Variants in UBE4B observed in about 807,000 individuals in gnomAD.
The protein encoded by UBE4B is ubiquitination factor E4B.
In UBE4B, 27 loss-of-function variants were observed where a neutral mutation model predicts 148.1. The observed-to-expected ratio is 0.18, with a 90% confidence interval of 0.13 to 0.25. The LOEUF (loss-of-function observed/expected upper bound fraction) is 0.25. UBE4B is among the 10% of genes least tolerant of loss of function. The probability of loss-of-function intolerance (pLI) is 1.00; values close to 1 mark genes in which losing one functional copy is unlikely to be tolerated. For missense variants in UBE4B, 1,170 were observed against 1,662.4 expected, an observed-to-expected ratio of 0.70 and a Z score of 5.15; for synonymous variants, 596 against 619.3, an observed-to-expected ratio of 0.96 and a Z score of 0.56.
chr1:10,092,104 G>A (rs1183007163), intron 2 of UBE4B, among the ~76,000 whole-genome samples: 1 of 152,020 alleles, frequency 6.6e-6, no homozygotes, highest in Non-Finnish European at 1.5e-5. Flanking sequence ...TATGTTCTTT[G>A]TTTCAGCTAC....
At chr1:10,087,670 G>T (rs540889055) in intron 2 of UBE4B, among the ~76,000 whole-genome samples, 2 of 152,238 alleles carry the variant, frequency 1.3e-5, no homozygotes, top group Admixed American at 6.5e-5. Context: ...CGTATCAGGG[G>T]TATATAATAT....
In UBE4B at chr1:10,167,441, AAATAATAATAATAATAAT is replaced by A. The variant is rs200457569; in HGVS notation, c.3199-679_3199-662del. 3.4e-5 allele frequency among the ~76,000 whole-genome samples: 5 copies of A among 147,184 alleles called. No homozygotes were observed. In the South Asian group the frequency reaches 8.5e-4, roughly 25 times the overall value. On this transcript the variant is annotated intron_variant, in intron 23 of 27. Coordinates refer to ENST00000343090, the MANE Select transcript of UBE4B (RefSeq NM_001105562.3). Reference sequence around the variant, plus strand: ...GCAACAAGCGAAACTCCGTCTCAAAAAATAATAATAATAATAATAATAATAATAATAATGACTAAGTAA... The same window carrying A: ...GCAACAAGCGAAACTCCGTCTCAAAAAATAATAATAATAATGACTAAGTAA...
At chr1:10,100,354 C>T (rs947247981) in intron 3 of UBE4B, among the ~76,000 whole-genome samples, 1 of 151,874 alleles carries the variant, frequency 6.6e-6, no homozygotes, top group Non-Finnish European at 1.5e-5. Flanking sequence ...TCTTGCTATG[C>T]TGCCCAGGCT....
At chr1:10,107,282 A>G in intron 7 of UBE4B, 2 of 1,289,512 alleles carry the variant, frequency 1.6e-6, no homozygotes, top group Non-Finnish European at 2.0e-6. Context: ...GTAGTGATGA[A>G]GAAGATGAAG....
chr1:10,075,894 A>T (rs1052541381), intron 2 of UBE4B, among the ~76,000 whole-genome samples: 1 of 152,056 alleles, frequency 6.6e-6, no homozygotes, highest in Non-Finnish European at 1.5e-5. Context: ...TCTACAAAAA[A>T]TTAGCGGGGC....
chr1:10,076,431 A>C (rs1480192975), intron 2 of UBE4B, among the ~76,000 whole-genome samples: 1 of 151,872 alleles, frequency 6.6e-6, no homozygotes, highest in African/African-American at 2.4e-5. Context: ...TTTAGTAGAG[A>C]TGGGGTTTCG....
chr1:10,072,540 AAAT>A, intron 2 of UBE4B: 1 of 704,542 alleles, frequency 1.4e-6, no homozygotes, highest in South Asian at 1.5e-5. Flanking sequence ...TTTTAAGATA[AAAT>A]AATCTGAAAA....
At chr1:10,109,943 C>G (rs1645191333) in intron 7 of UBE4B, among the ~76,000 whole-genome samples, 1 of 152,184 alleles carries the variant, frequency 6.6e-6, no homozygotes, top group South Asian at 2.1e-4. Context: ...AGGTGGTCCG[C>G]CCACCTCGGC....
Position 10,094,834 on chromosome 1 carries a change from A to G in UBE4B, c.212-627A>G, listed in dbSNP as rs573811234. Among the ~76,000 whole-genome samples, 5 of 152,206 alleles carry G rather than the reference A, an allele frequency of 3.3e-5. No homozygotes were observed. The South Asian group carries it at 1.0e-3, about 32-fold the overall frequency. On this transcript the variant is annotated intron_variant, in intron 2 of 27. Coordinates refer to ENST00000343090, the MANE Select transcript of UBE4B (RefSeq NM_001105562.3). ...GAGATGGAGTCTCGCTCTGTCACCT[A>G]GGCTGGAGTGCGGTGGTGTGATCTT...
chr1:10,153,511 A>C (rs905105027), intron 21 of UBE4B, among the ~76,000 whole-genome samples: 2 of 151,156 alleles, frequency 1.3e-5, no homozygotes, highest in African/African-American at 4.9e-5. Flanking sequence ...AAAAAAAAAA[A>C]AAAAAAAGGG....
At chr1:10,083,428 T>C (rs1396220266) in intron 2 of UBE4B, among the ~76,000 whole-genome samples, 1 of 152,232 alleles carries the variant, frequency 6.6e-6, no homozygotes, top group Admixed American at 6.5e-5. Flanking sequence ...TGATTGCTTA[T>C]TAGTACATCT....
chr1:10,156,239 C>CTTTTTTTTTTT (rs199801311), intron 21 of UBE4B, among the ~76,000 whole-genome samples: 2 of 123,762 alleles, frequency 1.6e-5, no homozygotes, highest in Admixed American at 8.2e-5. Flanking sequence ...ATTTTCTTTT[C>CTTTTTTTTTTT]TTTTTTTTTT....
chr1:10,144,991 G>A lies in UBE4B; in HGVS notation c.2415G>A (p.Leu805=). The change falls in exon 18 of 28, where the codon CTG becomes CTA. Residue 805 remains leucine (L), a synonymous_variant. Coordinates refer to ENST00000343090, the MANE Select transcript of UBE4B (RefSeq NM_001105562.3). ...NNESQWKDSP[L]ATRHREMLKR... Reference sequence around the variant, plus strand: ...AAAGCCAATGGAAAGATTCCCCACTGGCAACTAGACACCGCGAAATGCTGA... The same window carrying A: ...AAAGCCAATGGAAAGATTCCCCACTAGCAACTAGACACCGCGAAATGCTGA... 2.5e-6 allele frequency: 4 copies of A among 1,613,826 alleles called. No homozygotes were observed. Among genetic ancestry groups the A allele is most frequent in the Non-Finnish European group, 3.4e-6 (4 of 1,179,880 alleles).
At chr1:10,097,006 T>C (rs1644938739) in intron 3 of UBE4B, among the ~76,000 whole-genome samples, 1 of 149,324 alleles carries the variant, frequency 6.7e-6, no homozygotes, top group Non-Finnish European at 1.5e-5. Flanking sequence ...ACCACTGCCC[T>C]CCAGCCTGGG....
At chr1:10,115,376 C>A (rs908377534) in intron 7 of UBE4B, among the ~76,000 whole-genome samples, 3 of 151,906 alleles carry the variant, frequency 2.0e-5, no homozygotes, top group Non-Finnish European at 4.4e-5. Context: ...TTAAGAGATT[C>A]TCCTGCCTCA....
In UBE4B at chr1:10,117,594, A is replaced by G; in HGVS notation, c.1332A>G (p.Ala444=). 1 of 1,576,152 alleles carries G rather than the reference A, an allele frequency of 6.3e-7. No individual in the cohort carries two copies. The highest frequency in any genetic ancestry group is 1.2e-5 in the South Asian group (1 of 84,120). The change falls in exon 8 of 28, where the codon GCA becomes GCG. Residue 444 remains alanine, a synonymous_variant. Transcript: ENST00000343090. ...GAGTTGGAATAGAGGAAAAAAAAGC[A>G]CCAAAGGTAATATGAAATGGATTAA... is the stretch of plus-strand genomic sequence containing the variant. ...FDRVGIEEKK[A]PKMCSQPAVS...
At chr1:10,159,390 G>A (rs1646124330) in intron 22 of UBE4B, among the ~76,000 whole-genome samples, 1 of 152,140 alleles carries the variant, frequency 6.6e-6, no homozygotes, top group Non-Finnish European at 1.5e-5. Flanking sequence ...TCCCATCTAA[G>A]GGCCGGGCGT....
At chr1:10,177,664 T>C (rs552577521) in intron 25 of UBE4B, among the ~76,000 whole-genome samples, 2 of 151,522 alleles carry the variant, frequency 1.3e-5, no homozygotes, top group Non-Finnish European at 2.9e-5. Flanking sequence ...TCAAAATATA[T>C]ATATATATTT....
At chr1:10,155,891 G>T (rs1646061575) in intron 21 of UBE4B, among the ~76,000 whole-genome samples, 2 of 152,160 alleles carry the variant, frequency 1.3e-5, no homozygotes, top group African/African-American at 4.8e-5. Context: ...GGGTGTGGTG[G>T]TGGGGGCCTG....
Sources: gnomAD v4.1 joint callset for allele counts (sites outside exome capture counted in the v4.1 genomes callset) on GRCh38, gnomAD v4.1.1 for gene constraint, MANE v1.5 for transcripts, NCBI Gene and HGNC (gene_info 2026-07-23, HGNC 2026-07-21) for gene names.